The following PCDH15 variants were observed in gnomAD, a reference collection of about 807,000 sequenced individuals.
PCDH15 encodes the protein protocadherin-15.
Under a neutral mutation model 178.5 loss-of-function variants are expected in PCDH15, and 129 were observed. The ratio of observed to expected loss-of-function variants is 0.72; its 90% confidence interval spans 0.63 to 0.84. PCDH15 has a LOEUF of 0.84. Among genes scored for constraint, PCDH15 ranks in the 40% least tolerant of loss-of-function variants. PCDH15 has a pLI of 0.00. For missense variants in PCDH15, 2,230 were observed against 2,099.9 expected (o/e 1.06, Z -1.21); for synonymous variants, 800 against 732.0 (o/e 1.09, Z -1.50).
chr10:55,516,361 C>T (rs755678620), intron 2 of PCDH15, among the ~76,000 whole-genome samples: 1 of 152,142 alleles, frequency 6.6e-6, no homozygotes, highest in Non-Finnish European at 1.5e-5. Flanking sequence ...CCACGTGTAA[C>T]TGTGAGCTCA....
chr10:55,412,600 G>T (rs1041074489), intron 2 of PCDH15, among the ~76,000 whole-genome samples: 1 of 151,818 alleles, frequency 6.6e-6, no homozygotes, highest in East Asian at 1.9e-4. Context: ...ATAAAGAATG[G>T]CTAAAGTATA....
At chr10:55,019,086 TA>T (rs1179627581) in intron 2 of PCDH15, among the ~76,000 whole-genome samples, 1 of 152,160 alleles carries the variant, frequency 6.6e-6, no homozygotes, top group Non-Finnish European at 1.5e-5. Flanking sequence ...AGAAATGCTC[TA>T]AATCTTTTTT....
chr10:55,010,595 G>T (rs2131942227), intron 2 of PCDH15, among the ~76,000 whole-genome samples: 1 of 152,140 alleles, frequency 6.6e-6, no homozygotes, highest in African/African-American at 2.4e-5. Context: ...GGTGGCAACA[G>T]GTCCAAAGGC....
At chr10:55,153,437 G>A (rs1564843028) in intron 2 of PCDH15, among the ~76,000 whole-genome samples, 1 of 152,124 alleles carries the variant, frequency 6.6e-6, no homozygotes, top group Non-Finnish European at 1.5e-5. Context: ...TCATTACTGG[G>A]TGAAGCAGAA....
At chr10:55,011,547 AC>A (rs1273600168) in intron 2 of PCDH15, among the ~76,000 whole-genome samples, 30 of 152,236 alleles carry the variant, frequency 2.0e-4, no homozygotes, top group African/African-American at 6.7e-4. Flanking sequence ...AGGTTGTTTG[AC>A]TTAAGATTTT....
chr10:54,703,223 T>C (rs1288064760), intron 1 of PCDH15, among the ~76,000 whole-genome samples: 5 of 151,956 alleles, frequency 3.3e-5, no homozygotes, highest in African/African-American at 1.2e-4. Flanking sequence ...TGAGTAAACA[T>C]ACCACAAAAT....
intron 21 of PCDH15, among the ~76,000 whole-genome samples, chr10:53,991,906 G>A (rs913713081): frequency 1.1e-4 from 16 of 152,092 alleles, no homozygotes; most frequent in Admixed American, 5.9e-4. Context: ...TGTGGGTGGG[G>A]TCAGATAAGG....
At chr10:54,333,511 C>T (rs1342287) in intron 6 of PCDH15, among the ~76,000 whole-genome samples, 33,313 of 149,868 alleles carry the variant, frequency 0.22, 3,804 homozygotes, top group African/African-American at 0.27. Flanking sequence ...TAGATCAACC[C>T]TAAGTAAAAG....
At chr10:54,222,713 A>C (rs913133177) in intron 9 of PCDH15, among the ~76,000 whole-genome samples, 1 of 152,166 alleles carries the variant, frequency 6.6e-6, no homozygotes, top group Non-Finnish European at 1.5e-5. Context: ...TTGAGGTATT[A>C]ATTTGCATTT....
chr10:53,943,653 T>C (rs1394354053), intron 23 of PCDH15, among the ~76,000 whole-genome samples: 1 of 152,166 alleles, frequency 6.6e-6, no homozygotes, highest in Non-Finnish European at 1.5e-5. Context: ...ATTTAAATCC[T>C]ATGCATACCA....
intron 2 of PCDH15, among the ~76,000 whole-genome samples, chr10:54,622,390 A>C (rs1017561997): frequency 4.0e-5 from 6 of 150,260 alleles, no homozygotes; most frequent in African/African-American, 1.5e-4. Flanking sequence ...TGATAAATAC[A>C]ATAATTGGTG....
chr10:54,360,990 T>C (rs1380998875), intron 5 of PCDH15, among the ~76,000 whole-genome samples: 1 of 152,180 alleles, frequency 6.6e-6, no homozygotes, highest in Non-Finnish European at 1.5e-5. Context: ...TAACCATTTA[T>C]TTTTCTTATT....
chr10:53,984,295 G>A (rs762659920), intron 21 of PCDH15, among the ~76,000 whole-genome samples: 5 of 151,174 alleles, frequency 3.3e-5, no homozygotes, highest in African/African-American at 7.3e-5. Context: ...GACTACAGGC[G>A]CCCACCACCA....
chr10:55,078,759 T>A (rs1426928443), intron 2 of PCDH15, among the ~76,000 whole-genome samples: 1 of 152,062 alleles, frequency 6.6e-6, no homozygotes, highest in Admixed American at 6.6e-5. Flanking sequence ...ATACGTAGTC[T>A]TTTATCCCTC....
At chr10:54,627,045 C>T (rs191251219) in intron 2 of PCDH15, among the ~76,000 whole-genome samples, 2 of 152,314 alleles carry the variant, frequency 1.3e-5, no homozygotes, top group East Asian at 3.9e-4. Flanking sequence ...AGCCCCTTTG[C>T]TTCGGCAAAT....
intron 8 of PCDH15, among the ~76,000 whole-genome samples, chr10:54,283,685 G>A (rs576541078): frequency 6.6e-6 from 1 of 152,024 alleles, no homozygotes; most frequent in Admixed American, 6.6e-5. Flanking sequence ...ATATACTAAA[G>A]TGTAATACCA....
intron 16 of PCDH15, among the ~76,000 whole-genome samples, chr10:54,083,526 C>CA (rs2094467782): frequency 6.6e-6 from 1 of 152,134 alleles, no homozygotes; most frequent in African/African-American, 2.4e-5. Context: ...AAGCTAGACA[C>CA]AAATAGTCAC....
chr10:54,647,797 A>G (rs2094163103), intron 2 of PCDH15, among the ~76,000 whole-genome samples: 1 of 151,992 alleles, frequency 6.6e-6, no homozygotes, highest in Admixed American at 6.6e-5. Context: ...AGAAAATGCT[A>G]TTTTTCTGTA....
Position 53,823,159 on chromosome 10 carries a change from T to TTAAG in PCDH15, c.4368-2933_4368-2930dup, listed in dbSNP as rs1554820891. On this transcript the variant is annotated intron_variant, in intron 32 of 37. Coordinates refer to ENST00000644397, the MANE Select transcript of PCDH15 (RefSeq NM_001384140.1). The stretch of plus-strand genomic sequence containing the variant: ...TCCTTATAAAGGGGATTATGGGCAC[T>TTAAG]TAAGTCATCCTCATCAGATAGAAAT... 1.9e-6 allele frequency: 3 copies of TTAAG among 1,614,008 alleles called. No homozygotes were observed. The highest frequency in any genetic ancestry group is 2.2e-5 in the South Asian group (2 of 91,080).
Sources: allele counts gnomAD v4.1 joint callset (sites outside exome capture counted in the v4.1 genomes callset), GRCh38; gene constraint gnomAD v4.1.1; transcripts MANE v1.5; gene names NCBI Gene and HGNC (gene_info 2026-07-23, HGNC 2026-07-21).